Variants in ENOX1 observed in about 807,000 individuals in gnomAD.
ENOX1 encodes candidate growth-related and time keeping constitutive hydroquinone (NADH) oxidase.
A neutral mutation model predicts 82.5 loss-of-function variants in ENOX1; 42 were observed. The ratio of observed to expected loss-of-function variants is 0.51; its 90% CI spans 0.40 to 0.66. ENOX1 has a LOEUF of 0.66. ENOX1 is among the 30% of genes least tolerant of loss of function. ENOX1 has a pLI of 0.00. For synonymous variants in ENOX1, 271 were observed against 282.2 expected, an observed-to-expected ratio of 0.96 and a Z score of 0.40; for missense variants, 608 against 811.6, an observed-to-expected ratio of 0.75 and a Z score of 3.05.
intron 3 of ENOX1, among the ~76,000 whole-genome samples, chr13:43,464,041 A>G (rs1458830978): frequency 9.2e-5 from 14 of 152,332 alleles, no homozygotes; most frequent in Admixed American, 9.1e-4. Flanking sequence ...AACTAGAACC[A>G]TGTGCTATTG....
At chr13:43,423,085 G>A (rs1168857804) in intron 3 of ENOX1, among the ~76,000 whole-genome samples, 2 of 152,248 alleles carry the variant, frequency 1.3e-5, no homozygotes, top group Non-Finnish European at 2.9e-5. Flanking sequence ...TAAAGTCTTT[G>A]TATAGGCAGG....
intron 2 of ENOX1, among the ~76,000 whole-genome samples, chr13:43,488,972 G>A (rs1410575107): frequency 1.3e-5 from 2 of 152,172 alleles, no homozygotes; most frequent in East Asian, 3.8e-4. Context: ...CAAATTGTGA[G>A]CATTTGGGAA....
intron 2 of ENOX1, among the ~76,000 whole-genome samples, chr13:43,589,168 C>A (rs930968835): frequency 4.1e-5 from 5 of 122,282 alleles, no homozygotes; most frequent in Admixed American, 4.0e-4. Flanking sequence ...GCCTTCCATG[C>A]AGGAAAAAAA....
At chr13:43,407,977 TG>T (rs1449502358) in intron 5 of ENOX1, among the ~76,000 whole-genome samples, 1 of 152,156 alleles carries the variant, frequency 6.6e-6, no homozygotes, top group East Asian at 1.9e-4. Flanking sequence ...CTTTGGAGTA[TG>T]GGATTTAGGA....
At chr13:43,687,536 T>C (rs2086139524) in intron 1 of ENOX1, among the ~76,000 whole-genome samples, 1 of 152,190 alleles carries the variant, frequency 6.6e-6, no homozygotes. Flanking sequence ...GCTCCCTTAA[T>C]CACTTATTTT....
chr13:43,575,227 T>C (rs190852022), intron 2 of ENOX1, among the ~76,000 whole-genome samples: 19 of 152,298 alleles, frequency 1.2e-4, no homozygotes, highest in African/African-American at 4.6e-4. Context: ...CTTTCTCAAT[T>C]GATGGCATAA....
intron 1 of ENOX1, among the ~76,000 whole-genome samples, chr13:43,729,507 T>G (rs1305174645): frequency 6.6e-6 from 1 of 152,048 alleles, no homozygotes; most frequent in Non-Finnish European, 1.5e-5. Context: ...GTTTTTAATC[T>G]ACTTTTCATC....
intron 16 of ENOX1, among the ~76,000 whole-genome samples, chr13:43,221,003 A>G (rs1389216528): frequency 2.0e-5 from 3 of 152,208 alleles, no homozygotes; most frequent in African/African-American, 7.2e-5. Flanking sequence ...GAGGTATGCT[A>G]TTAGTACAGA....
intron 3 of ENOX1, chr13:43,459,038 G>T (rs2057350596): frequency 6.6e-6 from 1 of 152,140 alleles, no homozygotes; most frequent in African/African-American, 2.4e-5. Flanking sequence ...ATGTTTTAAG[G>T]AAGAAAAGAA....
At chr13:43,241,647 T>G (rs1184150490) in intron 14 of ENOX1, among the ~76,000 whole-genome samples, 1 of 152,216 alleles carries the variant, frequency 6.6e-6, no homozygotes, top group East Asian at 1.9e-4. Context: ...ATAAATCTTT[T>G]CTCAGCCTAC....
At chr13:43,326,600 C>T in intron 9 of ENOX1, 75 bp from the exon 10 acceptor site, 1 of 1,156,968 alleles carries the variant, frequency 8.6e-7, no homozygotes. Context: ...AGCAAAGACA[C>T]TAGGAGTCTA....
intron 2 of ENOX1, among the ~76,000 whole-genome samples, chr13:43,581,524 A>G (rs1037927892): frequency 2.6e-5 from 4 of 152,228 alleles, no homozygotes; most frequent in Admixed American, 6.5e-5. Flanking sequence ...TTACATATAC[A>G]ATTAAAAATC....
intron 5 of ENOX1, among the ~76,000 whole-genome samples, chr13:43,362,755 T>A (rs1412684964): frequency 1.3e-5 from 2 of 152,172 alleles, no homozygotes. Context: ...GGGAAAAGGT[T>A]TACAGATTCC....
chr13:43,631,723 T>C (rs1364785153), intron 2 of ENOX1, among the ~76,000 whole-genome samples: 2 of 152,204 alleles, frequency 1.3e-5, no homozygotes, highest in Non-Finnish European at 2.9e-5. Flanking sequence ...TTTATTCTTT[T>C]TTCTTTGGCT....
intron 2 of ENOX1, among the ~76,000 whole-genome samples, chr13:43,586,449 TCTAA>T (rs1397143064): frequency 6.6e-6 from 1 of 152,206 alleles, no homozygotes; most frequent in Non-Finnish European, 1.5e-5. Context: ...TCACTGCTCC[TCTAA>T]CTGACAAACC....
rs560448193 is a variant in ENOX1 at position 43,742,674 on chromosome 13, T to C, written c.-285+43978A>G. ...GCCTTGTCAAGTTGACACATAAAAT[T>C]AACCACACACCAAATAAGAGATAAT... On this transcript the variant is annotated intron_variant, in intron 1 of 16. Coordinates refer to ENST00000690772, the MANE Select transcript of ENOX1 (RefSeq NM_001347969.2). Among the ~76,000 whole-genome samples the C allele has an allele frequency of 8.5e-5, 13 of 152,276 alleles. No individual in the cohort carries two copies. In the South Asian group the frequency reaches 2.7e-3, roughly 32 times the overall value.
intron 5 of ENOX1, among the ~76,000 whole-genome samples, chr13:43,404,532 C>G (rs924050216): frequency 6.6e-6 from 1 of 152,208 alleles, no homozygotes; most frequent in Non-Finnish European, 1.5e-5. Context: ...TTTAGGGGAA[C>G]CTTTTCTGAA....
At chr13:43,548,208 CCA>C (rs1322464015) in intron 2 of ENOX1, among the ~76,000 whole-genome samples, 1 of 152,154 alleles carries the variant, frequency 6.6e-6, no homozygotes, top group Non-Finnish European at 1.5e-5. Context: ...TTGGAAACTG[CCA>C]CAGTTTCTTT....
At chr13:43,223,243 T>C (rs1489945742) in intron 16 of ENOX1, among the ~76,000 whole-genome samples, 1 of 152,198 alleles carries the variant, frequency 6.6e-6, no homozygotes, top group African/African-American at 2.4e-5. Flanking sequence ...ATTTCCATTT[T>C]CCTTCATGAC....
Sources: gnomAD v4.1 joint callset for allele counts (sites outside exome capture counted in the v4.1 genomes callset) on GRCh38, gnomAD v4.1.1 for gene constraint, MANE v1.5 for transcripts, NCBI Gene and HGNC (gene_info 2026-07-23, HGNC 2026-07-21) for gene names.